Variants in NFIA observed in about 807,000 individuals in gnomAD.
NFIA encodes the protein nuclear factor 1 A-type.
A neutral mutation model predicts 62.8 loss-of-function variants in NFIA; 8 were observed. The ratio of observed to expected loss-of-function variants is 0.13; its 90% CI spans 0.07 to 0.23. The LOEUF is 0.23. Ranked by LOEUF, NFIA falls within the 10% of genes least tolerant of loss-of-function variation. The pLI, the probability that NFIA is intolerant of heterozygous loss-of-function variation, is 1.00. For missense variants in NFIA, 410 were observed against 642.1 expected, an observed-to-expected ratio of 0.64 and a Z score of 3.91; for synonymous variants, 235 against 238.1, an observed-to-expected ratio of 0.99 and a Z score of 0.12.
At chr1:61,245,232 A>G (rs994373065) in intron 2 of NFIA, among the ~76,000 whole-genome samples, 2 of 152,180 alleles carry the variant, frequency 1.3e-5, no homozygotes, top group Non-Finnish European at 2.9e-5. Context: ...TAGATTATGT[A>G]TGCAGAATTA....
At chr1:61,290,154 A>G (rs1658785467) in intron 3 of NFIA, among the ~76,000 whole-genome samples, 1 of 151,754 alleles carries the variant, frequency 6.6e-6, no homozygotes, top group South Asian at 2.1e-4. Context: ...TAAACAATGG[A>G]CTGAGTTTTC....
chr1:61,132,769 T>C (rs1647103787), intron 2 of NFIA: 1 of 152,200 alleles, frequency 6.6e-6, no homozygotes, highest in African/African-American at 2.4e-5. Context: ...TCATAGATCA[T>C]ACTAAAGGAT....
intron 2 of NFIA, among the ~76,000 whole-genome samples, chr1:61,128,917 T>TTG (rs1647024168): frequency 8.3e-6 from 1 of 120,032 alleles, no homozygotes; most frequent in South Asian, 3.3e-4. Flanking sequence ...TTACTTATGT[T>TTG]TTTTTTTTTT....
At chr1:61,135,929 CT>C (rs1647177290) in intron 2 of NFIA, among the ~76,000 whole-genome samples, 1 of 152,124 alleles carries the variant, frequency 6.6e-6, no homozygotes, top group East Asian at 1.9e-4. Context: ...CCTACCCCAG[CT>C]TTTTTTAAGT....
intron 2 of NFIA, among the ~76,000 whole-genome samples, chr1:61,196,206 G>GA (rs1651980312): frequency 6.6e-6 from 1 of 152,132 alleles, no homozygotes. Flanking sequence ...GTGTGCTACT[G>GA]AAAACCTCAA....
chr1:61,332,716 C>A, intron 4 of NFIA, 130 bp downstream of exon 4: 1 of 656,834 alleles, frequency 1.5e-6, no homozygotes, highest in Non-Finnish European at 2.6e-6. Context: ...AGAATTTTGA[C>A]ACACAGTTTG....
At chr1:61,432,196 A>G (rs1667123491) in intron 10 of NFIA, among the ~76,000 whole-genome samples, 1 of 147,746 alleles carries the variant, frequency 6.8e-6, no homozygotes, top group Non-Finnish European at 1.5e-5. Flanking sequence ...GCCTAATGAT[A>G]TGGTTCTTGT....
intron 2 of NFIA, among the ~76,000 whole-genome samples, chr1:61,129,189 T>G (rs937156123): frequency 4.6e-5 from 7 of 152,122 alleles, no homozygotes; most frequent in Non-Finnish European, 1.0e-4. Flanking sequence ...CCCAGAGTGC[T>G]GGGATTACAG....
intron 3 of NFIA, among the ~76,000 whole-genome samples, chr1:61,305,433 A>G (rs1469851201): frequency 6.6e-6 from 1 of 152,212 alleles, no homozygotes; most frequent in African/African-American, 2.4e-5. Context: ...ATTTTTTATG[A>G]ACAGCAGAAA....
chr1:61,434,630 C>T (rs1667249869), intron 10 of NFIA, among the ~76,000 whole-genome samples: 1 of 152,172 alleles, frequency 6.6e-6, no homozygotes, highest in Non-Finnish European at 1.5e-5. Flanking sequence ...CCTGTTCTTC[C>T]TGTCACCTTT....
intron 2 of NFIA, among the ~76,000 whole-genome samples, chr1:61,182,551 G>T (rs1650826938): frequency 6.6e-6 from 1 of 152,186 alleles, no homozygotes; most frequent in Admixed American, 6.5e-5. Context: ...AGTTAGAACT[G>T]TAATTTGTGT....
chr1:61,119,942 A>G (rs763007239), intron 2 of NFIA, among the ~76,000 whole-genome samples: 4 of 152,184 alleles, frequency 2.6e-5, no homozygotes, highest in Admixed American at 6.5e-5. Flanking sequence ...CATTTGAAGG[A>G]AGAAGTTTGC....
intron 10 of NFIA, among the ~76,000 whole-genome samples, chr1:61,445,589 C>T (rs1026127949): frequency 5.3e-5 from 8 of 152,168 alleles, no homozygotes; most frequent in Non-Finnish European, 1.0e-4. Flanking sequence ...CTACCACATC[C>T]TCAGAAGGAG....
intron 2 of NFIA, among the ~76,000 whole-genome samples, chr1:61,195,327 T>C (rs901141888): frequency 2.0e-5 from 3 of 152,260 alleles, no homozygotes; most frequent in Admixed American, 1.3e-4. Context: ...ATCTTAGCCA[T>C]ATAAGAAAAT....
chr1:61,247,194 C>CT (rs1368507664), intron 2 of NFIA, among the ~76,000 whole-genome samples: 6 of 152,192 alleles, frequency 3.9e-5, no homozygotes, highest in African/African-American at 1.2e-4. Context: ...AGTTACAACT[C>CT]TATCACAAAA....
intron 3 of NFIA, among the ~76,000 whole-genome samples, chr1:61,309,817 A>T (rs1209909040): frequency 6.6e-6 from 1 of 152,196 alleles, no homozygotes; most frequent in East Asian, 1.9e-4. Context: ...TGAACCCAGG[A>T]GGCGGAGGTT....
chr1:61,350,159 A>G (rs1277358559), intron 4 of NFIA, among the ~76,000 whole-genome samples: 1 of 152,164 alleles, frequency 6.6e-6, no homozygotes, highest in Non-Finnish European at 1.5e-5. Context: ...ACTATTGAAT[A>G]CAACTCAATG....
intron 2 of NFIA, among the ~76,000 whole-genome samples, chr1:61,156,430 C>A (rs895611640): frequency 6.6e-6 from 1 of 152,136 alleles, no homozygotes; most frequent in African/African-American, 2.4e-5. Context: ...GTGGCAAAGG[C>A]ACCAGGGCAG....
intron 2 of NFIA, among the ~76,000 whole-genome samples, chr1:61,273,903 C>T (rs1657657673): frequency 6.6e-6 from 1 of 152,134 alleles, no homozygotes; most frequent in Admixed American, 6.5e-5. Flanking sequence ...ATTTTTGCCT[C>T]ACTCATTTTA....
Sources: allele counts gnomAD v4.1 joint callset (sites outside exome capture counted in the v4.1 genomes callset), GRCh38; gene constraint gnomAD v4.1.1; transcripts MANE v1.5; gene names NCBI Gene and HGNC (gene_info 2026-07-23, HGNC 2026-07-21).